Variants in TBC1D22A observed in about 807,000 individuals in gnomAD.
TBC1D22A encodes TBC1 domain family member 22A.
Under a neutral mutation model 60.2 loss-of-function variants are expected in TBC1D22A, and 38 were observed. That is an observed-to-expected ratio of 0.63 (90% CI 0.49 to 0.83). The LOEUF is 0.83. TBC1D22A is among the 40% of genes least tolerant of loss of function. The pLI, the probability that TBC1D22A is intolerant of heterozygous loss-of-function variation, is 0.00. For missense variants in TBC1D22A, 628 were observed against 701.0 expected (o/e 0.90, Z 1.18); for synonymous variants, 302 against 281.7 (o/e 1.07, Z -0.72).
At chr22:46,997,733 C>A (rs2075168350) in intron 10 of TBC1D22A, 24 bp downstream of exon 10, 1 of 1,611,704 alleles carries the variant, frequency 6.2e-7, no homozygotes, top group Non-Finnish European at 8.5e-7. Flanking sequence ...CCGCGCAGCC[C>A]CTCTCTGTGG....
chr22:46,992,982 A>G lies in TBC1D22A; in HGVS notation c.1126-4652A>G, dbSNP rs1348045923. 2.6e-5 allele frequency among the ~76,000 whole-genome samples: 4 copies of G among 152,180 alleles called. No homozygotes were observed. In the East Asian group the frequency reaches 7.7e-4, roughly 29 times the overall value. On this transcript the variant is annotated intron_variant, in intron 9 of 12. Coordinates refer to ENST00000337137, the MANE Select transcript of TBC1D22A (RefSeq NM_014346.5). ...CATTTGGTTTCAATGTGGGGAAGAC[A>G]CTATGTTACGGTGAAATTAGCCTGG... is the stretch of plus-strand genomic sequence containing the variant.
rs542359357 is a variant in TBC1D22A at position 47,173,625 on chromosome 22, G to T, written c.1553G>T (p.Ter518LeuextTer26). 6.2e-7 allele frequency: 1 copy of T among 1,613,784 alleles called. No individual in the cohort carries two copies. Among genetic ancestry groups the T allele is most frequent in the South Asian group, 1.1e-5 (1 of 91,078 alleles). ...GACGCCCCCAATCACTACAAGAAAT[G>T]AGCCCAGGCCCACCCGCAGCTGGCC... ...FADAPNHYKK[*>L] Residue 518 changes from the stop codon to leucine (L), a stop_lost, in exon 13 of 13, where the codon TGA becomes TTA. Coordinates refer to ENST00000337137, the MANE Select transcript of TBC1D22A (RefSeq NM_014346.5).
rs111557110 is a variant in TBC1D22A, at chr22:46,880,696, T to C, written c.708+1973T>C. Reference sequence around the variant, plus strand: ...CAGGGGGTGGAGGAGTACCACAGCGTGGGGGCAGTTTAGTACAGAGGGTCA... The same window carrying C: ...CAGGGGGTGGAGGAGTACCACAGCGCGGGGGCAGTTTAGTACAGAGGGTCA... On this transcript the variant is annotated intron_variant, in intron 5 of 12. Coordinates refer to ENST00000337137, the MANE Select transcript of TBC1D22A (RefSeq NM_014346.5). Among the ~76,000 whole-genome samples, 688 of 151,780 alleles carry C rather than the reference T, an allele frequency of 4.5e-3. 2 individuals are homozygous for C. Among genetic ancestry groups the C allele is most frequent in the African/African-American group, 0.016 (662 of 41,316 alleles).
At chr22:46,853,063 A>C (rs1602157777) in intron 4 of TBC1D22A, among the ~76,000 whole-genome samples, 2 of 152,242 alleles carry the variant, frequency 1.3e-5, no homozygotes, top group East Asian at 3.9e-4. Context: ...GACACTTTGG[A>C]GGCCTTTTAA....
At chr22:47,065,643 C>G (rs2063733644) in intron 11 of TBC1D22A, among the ~76,000 whole-genome samples, 1 of 152,272 alleles carries the variant, frequency 6.6e-6, no homozygotes, top group Non-Finnish European at 1.5e-5. Flanking sequence ...GGAGTTGGGA[C>G]TGGGTTGGAT....
At chr22:46,891,504 T>G in intron 6 of TBC1D22A, 110 bp downstream of exon 6, 1 of 1,200,258 alleles carries the variant, frequency 8.3e-7, no homozygotes, top group Middle Eastern at 2.1e-4. Flanking sequence ...GAGTTAAAGA[T>G]GCAGGTCCCT....
At chr22:47,015,970 T>A (rs1397411197) in intron 10 of TBC1D22A, among the ~76,000 whole-genome samples, 3 of 152,128 alleles carry the variant, frequency 2.0e-5, no homozygotes, top group Admixed American at 1.3e-4. Context: ...CTACCTGGTC[T>A]CCTTGGCGTC....
At chr22:47,127,321 G>A (rs373673698) in intron 12 of TBC1D22A, among the ~76,000 whole-genome samples, 14 of 150,254 alleles carry the variant, frequency 9.3e-5, no homozygotes, top group Admixed American at 8.0e-4. Flanking sequence ...TCCGCCTCCC[G>A]GGTTCAAGCT....
intron 8 of TBC1D22A, among the ~76,000 whole-genome samples, chr22:46,952,938 G>C (rs136079): frequency 5.3e-5 from 8 of 152,008 alleles, no homozygotes; most frequent in Non-Finnish European, 5.9e-5. Flanking sequence ...GGGTGGTCTC[G>C]TCTTTGTCTT....
Position 46,912,104 on chromosome 22 carries a change from A to G in TBC1D22A, c.931A>G (p.Ile311Val). The G allele has an allele frequency of 1.2e-6, 2 of 1,613,950 alleles. No individual in the cohort carries two copies. Among genetic ancestry groups the G allele is most frequent in the Non-Finnish European group, 1.7e-6 (2 of 1,179,960 alleles). The change falls in exon 8 of 13, where the codon ATC becomes GTC. Residue 311 changes from isoleucine to valine, a missense_variant. By Grantham distance (29) the Ile-to-Val change is conservative. Coordinates refer to ENST00000337137, the MANE Select transcript of TBC1D22A (RefSeq NM_014346.5). ...IFERILFIWAIRHPASGYVQG... is the reference protein window; with the variant it reads ...IFERILFIWAVRHPASGYVQG... Reference sequence around the variant, plus strand: ...TGAAAGGATCTTGTTCATATGGGCGATCCGCCACCCAGCCAGTGGATACGT... The same window carrying G: ...TGAAAGGATCTTGTTCATATGGGCGGTCCGCCACCCAGCCAGTGGATACGT...
chr22:46,969,622 G>A (rs2073966952), intron 8 of TBC1D22A, among the ~76,000 whole-genome samples: 1 of 152,226 alleles, frequency 6.6e-6, no homozygotes, highest in South Asian at 2.1e-4. Flanking sequence ...ACTTGGGCCT[G>A]CTGATCTTCT....
intron 11 of TBC1D22A, among the ~76,000 whole-genome samples, chr22:47,070,077 A>AGCGGAGCTGACCTGACGGTCCCAG (rs2063922395): frequency 8.3e-6 from 1 of 120,742 alleles, no homozygotes; most frequent in Admixed American, 8.2e-5. Context: ...GTTTGGTTGG[A>AGCGGAGCTGACCTGACGGTCCCAG]CGCTGTCCCC....
chr22:46,974,431 C>A (rs772586319), intron 9 of TBC1D22A, 32 bp downstream of exon 9: 7 of 1,557,920 alleles, frequency 4.5e-6, no homozygotes, highest in Non-Finnish European at 6.1e-6. Context: ...ACACAGCCCA[C>A]GCCCACAGCC....
intron 1 of TBC1D22A, 128 bp from the exon 2 acceptor site, chr22:46,792,392 A>G: frequency 7.6e-7 from 1 of 1,308,664 alleles, no homozygotes; most frequent in Non-Finnish European, 1.1e-6. Flanking sequence ...GGGGCCTGCG[A>G]CAGCCCATGA....
chr22:47,062,032 G>A (rs1467204552), intron 11 of TBC1D22A, among the ~76,000 whole-genome samples: 2 of 137,154 alleles, frequency 1.5e-5, no homozygotes, highest in African/African-American at 2.8e-5. Context: ...AGGTTGCAGT[G>A]AGCCCAGATC....
At chr22:46,861,980 C>T (rs968549369) in intron 4 of TBC1D22A, among the ~76,000 whole-genome samples, 3 of 152,240 alleles carry the variant, frequency 2.0e-5, no homozygotes, top group Admixed American at 1.3e-4. Flanking sequence ...GGTGTCAGGA[C>T]AGTGTACTGG....
At chr22:46,972,052 C>T (rs555643733) in intron 8 of TBC1D22A, among the ~76,000 whole-genome samples, 28 of 152,240 alleles carry the variant, frequency 1.8e-4, no homozygotes, top group African/African-American at 6.0e-4. Flanking sequence ...ATCCTAGCCC[C>T]GCATTCGAGG....
intron 1 of TBC1D22A, 106 bp from the exon 2 acceptor site, chr22:46,792,414 C>T: frequency 3.3e-6 from 5 of 1,505,906 alleles, no homozygotes; most frequent in Admixed American, 1.7e-5. Context: ...GAGCTGCTTC[C>T]TTCAGTCCTG....
chr22:46,980,612 T>C (rs995839618), intron 9 of TBC1D22A, among the ~76,000 whole-genome samples: 39 of 152,268 alleles, frequency 2.6e-4, no homozygotes, highest in African/African-American at 9.4e-4. Context: ...CTGAGAAAAT[T>C]ACCAACTGGG....
Sources: gnomAD v4.1 joint callset for allele counts (sites outside exome capture counted in the v4.1 genomes callset) on GRCh38, gnomAD v4.1.1 for gene constraint, MANE v1.5 for transcripts, NCBI Gene and HGNC (gene_info 2026-07-23, HGNC 2026-07-21) for gene names.